Variants in EFCAB12 observed in about 807,000 individuals in gnomAD.
EFCAB12 encodes EF-hand calcium binding domain 12, also known as EF-hand calcium-binding domain-containing protein 12.
A neutral mutation model predicts 53.6 loss-of-function variants in EFCAB12; 43 were observed. The ratio of observed to expected loss-of-function variants is 0.80; its 90% confidence interval spans 0.63 to 1.03. EFCAB12 has a LOEUF of 1.03. EFCAB12 is among the 50% of genes least tolerant of loss of function. The pLI is 0.00. For synonymous variants in EFCAB12, 269 were observed against 289.2 expected (o/e 0.93, Z 0.71); for missense variants, 646 against 730.6 (o/e 0.88, Z 1.34).
Position 129,401,357 on chromosome 3 carries a change from A to T in EFCAB12, c.*236T>A. 2.2e-6 allele frequency: 1 copy of T among 459,884 alleles called. No homozygotes were observed. Among genetic ancestry groups the T allele is most frequent in the Non-Finnish European group, 3.7e-6 (1 of 269,062 alleles). The allele number at this position is 459,884 out of a possible 1,614,324, so 28.5% of individuals were successfully genotyped here. ...AAACTCCAACCTGCTTTATGTAGAA[A>T]GGGCAGAGGTCAGGGGAGGGAAATA... On this transcript the variant is annotated 3_prime_UTR_variant, in exon 9 of 9. Coordinates refer to ENST00000505956, the MANE Select transcript of EFCAB12 (RefSeq NM_207307.3).
intron 2 of EFCAB12, among the ~76,000 whole-genome samples, chr3:129,419,894 A>G (rs2072168042): frequency 6.6e-6 from 1 of 152,252 alleles, no homozygotes; most frequent in Non-Finnish European, 1.5e-5. Flanking sequence ...AACAAAGCCC[A>G]GGCCGTAGGA....
intron 7 of EFCAB12, chr3:129,403,077 G>C (rs1403814249): frequency 1.3e-5 from 2 of 159,178 alleles, no homozygotes; most frequent in Admixed American, 5.8e-5. Flanking sequence ...ACCATAAGTA[G>C]CAAGATACAG....
intron 7 of EFCAB12, 162 bp downstream of exon 7, chr3:129,404,088 T>C: frequency 1.1e-6 from 1 of 879,348 alleles, no homozygotes; most frequent in Non-Finnish European, 1.7e-6. Context: ...GACCCGGGAC[T>C]GGCCAGTCTG....
chr3:129,415,339 C>T lies in EFCAB12; in HGVS notation c.744G>A (p.Gly248=). The T allele has an allele frequency of 6.2e-7, 1 of 1,613,692 alleles. No individual in the cohort carries two copies. The highest frequency in any genetic ancestry group is 8.5e-7 in the Non-Finnish European group (1 of 1,179,830). ...EDIVIYLSSL[G]KHNTITMDIL... is the part of the protein sequence containing the mutation. ...TATCCATGGTGATGGTGTTGTGCTT[C>T]CCAAGAGAGCTGAGGTAGATCACTA... is the stretch of plus-strand genomic sequence containing the variant. The change falls in exon 4 of 9, where the codon GGG becomes GGA. Residue 248 remains glycine, a synonymous_variant. Transcript: ENST00000505956.
chr3:129,422,013 CT>C (rs1577051907), intron 1 of EFCAB12, among the ~76,000 whole-genome samples: 1 of 152,192 alleles, frequency 6.6e-6, no homozygotes, highest in Non-Finnish European at 1.5e-5. Flanking sequence ...GCTCTATATG[CT>C]TTCTCTTATT....
At chr3:129,402,419 G>C (rs533506632) in intron 8 of EFCAB12, 104 bp downstream of exon 8, 1 of 1,294,754 alleles carries the variant, frequency 7.7e-7, no homozygotes, top group Non-Finnish European at 1.1e-6. Flanking sequence ...CCAGGGCACC[G>C]AGCCCCAGCT....
intron 7 of EFCAB12, chr3:129,402,930 G>GCTC (rs1226610130): frequency 4.5e-6 from 1 of 222,726 alleles, no homozygotes; most frequent in East Asian, 1.3e-4. Context: ...GGGGTCCCTG[G>GCTC]CTCCTACTCC....
At chr3:129,405,794 A>G (rs527874729) in intron 6 of EFCAB12, among the ~76,000 whole-genome samples, 1 of 152,268 alleles carries the variant, frequency 6.6e-6, no homozygotes, top group Admixed American at 6.5e-5. Context: ...ACCGAATAGC[A>G]AGTGGCCAAG....
intron 5 of EFCAB12, among the ~76,000 whole-genome samples, chr3:129,410,285 C>T (rs2072018743): frequency 6.6e-6 from 1 of 151,880 alleles, no homozygotes; most frequent in Non-Finnish European, 1.5e-5. Flanking sequence ...GCTAGGATTA[C>T]AGGCATGAGC....
At position 129,428,474 on chromosome 3, in the gene EFCAB12, A is replaced by C. The variant is rs762437291; in HGVS notation, c.15T>G (p.Tyr5Ter). MDDD[Y>*]EAYHSLFLSL... is the part of the protein sequence containing the mutation. ...ACAAGAACAGACTGTGGTACGCTTC[A>C]TAGTCGTCGTCCATGGTCGTGGTGC... The change falls in exon 1 of 9, where the codon TAT becomes TAG. Residue 5 changes from tyrosine to a stop codon, truncating the protein, a stop_gained. Transcript: ENST00000505956. LOFTEE classifies it high-confidence loss of function. The C allele has an allele frequency of 3.1e-6, 5 of 1,611,458 alleles. No individual in the cohort carries two copies. In the Admixed American group the frequency reaches 8.4e-5, roughly 27 times the overall value.
chr3:129,410,992 G>T (rs1577041907), intron 5 of EFCAB12, among the ~76,000 whole-genome samples, 166 bp downstream of exon 5: 1 of 152,292 alleles, frequency 6.6e-6, no homozygotes, highest in Non-Finnish European at 1.5e-5. Context: ...CAGGAGGCAG[G>T]TATTGTTCTT....
At chr3:129,418,921 G>T (rs535682919) in intron 2 of EFCAB12, among the ~76,000 whole-genome samples, 145 of 152,264 alleles carry the variant, frequency 9.5e-4, no homozygotes, top group Middle Eastern at 3.4e-3. Flanking sequence ...GGCATATTTT[G>T]TAATGGATGA....
intron 1 of EFCAB12, among the ~76,000 whole-genome samples, chr3:129,424,317 C>T (rs2072224485): frequency 6.6e-6 from 1 of 152,164 alleles, no homozygotes; most frequent in Admixed American, 6.5e-5. Context: ...TTATAATCCC[C>T]ATTGTTGGAG....
intron 5 of EFCAB12, among the ~76,000 whole-genome samples, chr3:129,409,470 A>G (rs2072002455): frequency 6.6e-6 from 1 of 152,138 alleles, no homozygotes; most frequent in South Asian, 2.1e-4. Flanking sequence ...AGAGAAGAAA[A>G]GAAAAGTGAC....
chr3:129,417,678 C>A (rs943841627), intron 3 of EFCAB12, among the ~76,000 whole-genome samples: 2 of 152,096 alleles, frequency 1.3e-5, no homozygotes, highest in Admixed American at 6.6e-5. Flanking sequence ...ACTGAGCACT[C>A]AAAATATGTG....
intron 6 of EFCAB12, among the ~76,000 whole-genome samples, chr3:129,407,318 G>C (rs1223839416): frequency 9.2e-5 from 14 of 152,162 alleles, no homozygotes; most frequent in Admixed American, 9.2e-4. Context: ...CCACAGACTG[G>C]TATTTTGTTA....
Position 129,418,462 on chromosome 3 carries a change from G to A in EFCAB12, c.487-14C>T. 6.3e-7 allele frequency: 1 copy of A among 1,591,436 alleles called. No homozygotes were observed. The highest frequency in any genetic ancestry group is 1.1e-5 in the South Asian group (1 of 88,134). On this transcript the variant is annotated splice_polypyrimidine_tract_variant and intron_variant, in intron 2 of 8. Transcript: ENST00000505956. ...GGGGGCTTTCTTCTGGAAGAGGTGA[G>A]AGGGTAGGGCAGAGGAGAGAGTTCA...
chr3:129,415,128 G>A (rs750155305), intron 4 of EFCAB12, 117 bp downstream of exon 4: 74 of 1,317,082 alleles, frequency 5.6e-5, no homozygotes, highest in Non-Finnish European at 6.9e-5. Context: ...AACCACAGTC[G>A]GCCAAAACTG....
At position 129,420,474 on chromosome 3, in the gene EFCAB12, A is replaced by G. The variant is rs114633510; in HGVS notation, c.486+893T>C. On this transcript the variant is annotated intron_variant, in intron 2 of 8. Transcript: ENST00000505956. ...GTTGGTAGTACCCTTATCACTTACT[A>G]TCACTATATGTTTGGATAAATGTTG... 6.6e-4 allele frequency among the ~76,000 whole-genome samples: 100 copies of G among 152,318 alleles called. 1 individual carries two copies. The highest frequency in any genetic ancestry group is 2.4e-3 in the African/African-American group (100 of 41,562).
Sources: gnomAD v4.1 joint callset for allele counts (sites outside exome capture counted in the v4.1 genomes callset) on GRCh38, gnomAD v4.1.1 for gene constraint, MANE v1.5 for transcripts, NCBI Gene and HGNC (gene_info 2026-07-23, HGNC 2026-07-21) for gene names.